YWHAZ: variants seen among roughly 807,000 people sequenced by gnomAD.
YWHAZ encodes the protein tyrosine 3-monooxygenase/tryptophan 5-monooxygenase activation protein zeta.
For synonymous variants in YWHAZ, 87 were observed against 103.6 expected, an observed-to-expected ratio of 0.84 and a Z score of 0.97; for missense variants, 79 against 284.8, an observed-to-expected ratio of 0.28 and a Z score of 5.20.
chr8:100,923,320 C>T (rs556604444), intron 5 of YWHAZ: 6 of 152,098 alleles, frequency 3.9e-5, no homozygotes, highest in Non-Finnish European at 2.9e-5. Flanking sequence ...AAGAAACAAA[C>T]GAGACATACA....
At chr8:100,944,510 C>T (rs548852690) in intron 2 of YWHAZ, among the ~76,000 whole-genome samples, 25 of 152,330 alleles carry the variant, frequency 1.6e-4, no homozygotes, top group African/African-American at 5.8e-4. Flanking sequence ...TGCTTCCTCT[C>T]GGAGACCTCC....
At chr8:100,951,816 G>A (rs1810811444) in intron 1 of YWHAZ, 113 bp downstream of exon 1, 3 of 985,390 alleles carry the variant, frequency 3.0e-6, no homozygotes, top group African/African-American at 1.7e-5. Context: ...TCAGCCCGGC[G>A]CCGCCACCGC....
chr8:100,945,759 A>G (rs1182664270), intron 2 of YWHAZ, among the ~76,000 whole-genome samples: 1 of 152,158 alleles, frequency 6.6e-6, no homozygotes, highest in African/African-American at 2.4e-5. Context: ...AGATGGTAGG[A>G]AAAAGAAGCC....
chr8:100,951,376 C>A, intron 1 of YWHAZ: 1 of 984,476 alleles, frequency 1.0e-6, no homozygotes, highest in Non-Finnish European at 1.2e-6. Flanking sequence ...GTCCCGCCGC[C>A]GCAGCGCCCA....
chr8:100,918,443 T>TATATATATATATATATA lies in YWHAZ; in HGVS notation c.*2249_*2250insTATATATATATATATAT, dbSNP rs1417316114. The stretch of plus-strand genomic sequence containing the variant: ...ATATATATATATATATATATATATA[T>TATATATATATATATATA]AATTATTTTACCTCCTTGGCTTGGG... On this transcript the variant is annotated 3_prime_UTR_variant, in exon 6 of 6. Coordinates refer to ENST00000395958, the MANE Select transcript of YWHAZ (RefSeq NM_145690.3). 7 of 117,058 alleles carry TATATATATATATATATA rather than the reference T, an allele frequency of 6.0e-5. No homozygotes were observed. The East Asian group carries it at 9.1e-4, about 15-fold the overall frequency. The allele number at this position is 117,058 out of a possible 1,614,324, so 7.3% of individuals were successfully genotyped here.
At chr8:100,933,077 C>G (rs1310396804) in intron 2 of YWHAZ, among the ~76,000 whole-genome samples, 1 of 152,028 alleles carries the variant, frequency 6.6e-6, no homozygotes, top group Non-Finnish European at 1.5e-5. Context: ...TAGTTGTGAC[C>G]TGGCTCGGCG....
chr8:100,926,673 G>A (rs17462921), intron 2 of YWHAZ, among the ~76,000 whole-genome samples: 14,996 of 152,214 alleles, frequency 0.099, 990 homozygotes, highest in Non-Finnish European at 0.15. Context: ...GAACGTTTTG[G>A]TTAGGATAGC....
chr8:100,944,699 G>A (rs1013054612), intron 2 of YWHAZ, among the ~76,000 whole-genome samples: 1 of 152,138 alleles, frequency 6.6e-6, no homozygotes, highest in Non-Finnish European at 1.5e-5. Context: ...ACTATTATAG[G>A]CAGGCTCACA....
chr8:100,929,148 AAT>A lies in YWHAZ; in HGVS notation c.295-4111_295-4110del, dbSNP rs1023694273. Among the ~76,000 whole-genome samples the A allele has an allele frequency of 5.9e-5, 9 of 152,292 alleles. 1 individual carries two copies. The highest frequency in any genetic ancestry group is 5.9e-4 in the Admixed American group (9 of 15,298). On this transcript the variant is annotated intron_variant, in intron 2 of 5. Coordinates refer to ENST00000395958, the MANE Select transcript of YWHAZ (RefSeq NM_145690.3). ...GCATGTGATATTGATACATGCATACAATATATAATGATCAAATCAGAGTAACT... is the reference window on the plus strand; with the variant it reads ...GCATGTGATATTGATACATGCATACAATATAATGATCAAATCAGAGTAACT...
In YWHAZ at chr8:100,927,680, A is replaced by T. The variant is rs114371497; in HGVS notation, c.295-2641T>A. Among the ~76,000 whole-genome samples, 786 of 152,308 alleles carry T rather than the reference A, an allele frequency of 5.2e-3. 9 individuals are homozygous for T. The highest frequency in any genetic ancestry group is 0.017 in the African/African-American group (715 of 41,574). ...TTTTAAAGCTGTACTAAAAACTTAA[A>T]TTTTTTTAGGAAAGGTGTTGATAAA... On this transcript the variant is annotated intron_variant, in intron 2 of 5. Coordinates refer to ENST00000395958, the MANE Select transcript of YWHAZ (RefSeq NM_145690.3).
At chr8:100,953,233 A>T, upstream of YWHAZ, 1 of 985,298 alleles carries the variant, frequency 1.0e-6, no homozygotes, top group Non-Finnish European at 1.2e-6. Flanking sequence ...TAAAGCTTTC[A>T]CGTGAAGACC....
At chr8:100,945,330 C>A (rs1326617689) in intron 2 of YWHAZ, among the ~76,000 whole-genome samples, 1 of 152,140 alleles carries the variant, frequency 6.6e-6, no homozygotes, top group African/African-American at 2.4e-5. Flanking sequence ...GAATGGGTTA[C>A]TAAAGAGCTC....
In YWHAZ at chr8:100,950,657, T is replaced by TGG. The variant is rs1554618210; in HGVS notation, c.-12+1270_-12+1271dup. On this transcript the variant is annotated intron_variant, in intron 1 of 5. Transcript: ENST00000395958. ...GCAGCCCGCGCCCCCGCCCAAGCCG[T>TGG]GGGGGGGGGGGAGAGATGGGGAGCG... The TGG allele has an allele frequency of 2.3e-3, 1,689 of 721,888 alleles. 25 individuals are homozygous for TGG. The African/African-American group carries it at 0.031, about 13-fold the overall frequency. The allele number at this position is 721,888 out of a possible 1,614,324, so 44.7% of individuals were successfully genotyped here. A position where few individuals can be genotyped will look rare whatever the true frequency, so the allele number is the denominator to read the frequency against.
At chr8:100,950,302 T>A (rs1810613758) in intron 1 of YWHAZ, 1 of 895,470 alleles carries the variant, frequency 1.1e-6, no homozygotes, top group African/African-American at 1.8e-5. Flanking sequence ...CCCAATCACT[T>A]CGGTACAAGA....
rs895259212 is a variant in YWHAZ, at chr8:100,916,636, T to A, written c.*4057A>T. ...AGTAATCAATTAAGACCAGTTAGGT[T>A]TGGACTTTCAAGGAATGAACTCAAA... On this transcript the variant is annotated 3_prime_UTR_variant, in exon 6 of 6. Coordinates refer to ENST00000395958, the MANE Select transcript of YWHAZ (RefSeq NM_145690.3). 1 of 152,208 alleles carries A rather than the reference T, an allele frequency of 6.6e-6. No individual in the cohort carries two copies. Among genetic ancestry groups the A allele is most frequent in the African/African-American group, 2.4e-5 (1 of 41,456 alleles). 9.4% of individuals were successfully genotyped at this position (152,208 alleles called of 1,614,324 possible).
Position 100,948,115 on chromosome 8 carries a change from G to C in YWHAZ, c.294+481C>G. ...ATGCAGGAAGAGGTTTCATAGTTGT[G>C]ACGCCAGAGTTTTCTGCATGGTTGA... is the stretch of plus-strand genomic sequence containing the variant. On this transcript the variant is annotated intron_variant, in intron 2 of 5. Transcript: ENST00000395958. This position sits in a 1 kb window ranked among gnomAD's most constrained non-coding sequence, Gnocchi z 4.2. The C allele has an allele frequency of 6.5e-7, 1 of 1,534,908 alleles. No individual in the cohort carries two copies. Among genetic ancestry groups the C allele is most frequent in the Non-Finnish European group, 8.7e-7 (1 of 1,146,720 alleles).
rs181592714 is a variant in YWHAZ, at chr8:100,923,791, T to C, written c.678+164A>G. ...TCTAATATTTCAGTTTCTGTAATTT[T>C]CCTTCATAGGACTTTAATAGTAGCT... On this transcript the variant is annotated intron_variant, in intron 5 of 5. Coordinates refer to ENST00000395958, the MANE Select transcript of YWHAZ (RefSeq NM_145690.3). 2.4e-4 allele frequency: 121 copies of C among 499,284 alleles called. 1 individual carries two copies. Among genetic ancestry groups the C allele is most frequent in the African/African-American group, 2.3e-3 (117 of 50,682 alleles). The allele number at this position is 499,284 out of a possible 1,614,324, so 30.9% of individuals were successfully genotyped here. A position where few individuals can be genotyped will look rare whatever the true frequency, so the allele number is the denominator to read the frequency against.
intron 2 of YWHAZ, among the ~76,000 whole-genome samples, chr8:100,940,613 T>C (rs930612957): frequency 3.3e-5 from 5 of 152,196 alleles, no homozygotes; most frequent in Admixed American, 6.5e-5. Context: ...AATCCAAAAT[T>C]TATAAATGAA....
intron 1 of YWHAZ, chr8:100,950,530 C>CAA (rs1810644876): frequency 1.0e-6 from 1 of 985,530 alleles, no homozygotes; most frequent in Non-Finnish European, 1.2e-6. Context: ...AGCCACGGCT[C>CAA]AAGTCCCCGA....
Sources: allele counts gnomAD v4.1 joint callset (sites outside exome capture counted in the v4.1 genomes callset), GRCh38; gene constraint gnomAD v4.1.1; non-coding constraint Gnocchi (gnomAD v3.1); transcripts MANE v1.5; gene names NCBI Gene and HGNC (gene_info 2026-07-23, HGNC 2026-07-21).